Variants in EIF4G3 observed in about 807,000 individuals in gnomAD.
EIF4G3 encodes the protein eIF-4-gamma 3.
A neutral mutation model predicts 186.4 loss-of-function variants in EIF4G3; 34 were observed. The ratio of observed to expected loss-of-function variants is 0.18; its 90% confidence interval spans 0.14 to 0.24. EIF4G3 has a LOEUF of 0.24. Ranked by LOEUF, EIF4G3 falls within the 10% of genes least tolerant of loss-of-function variation. The probability of loss-of-function intolerance (pLI) is 1.00; values close to 1 mark genes in which losing one functional copy is unlikely to be tolerated. For missense variants in EIF4G3, 1,536 were observed against 1,948.5 expected (o/e 0.79, Z 3.99); for synonymous variants, 673 against 679.5 (o/e 0.99, Z 0.15).
chr1:21,029,652 G>A (rs1472559253), intron 4 of EIF4G3, among the ~76,000 whole-genome samples: 1 of 151,912 alleles, frequency 6.6e-6, no homozygotes, highest in Non-Finnish European at 1.5e-5. Context: ...GAGAACTAGT[G>A]GTTTTATAAA....
At chr1:20,918,750 T>C (rs1349017776) in intron 14 of EIF4G3, among the ~76,000 whole-genome samples, 1 of 147,210 alleles carries the variant, frequency 6.8e-6, no homozygotes, top group Non-Finnish European at 1.5e-5. Flanking sequence ...CTCACTATGT[T>C]GCCCAGGCTG....
chr1:20,992,043 T>C (rs562863666), intron 7 of EIF4G3, among the ~76,000 whole-genome samples: 130 of 152,338 alleles, frequency 8.5e-4, no homozygotes, highest in Non-Finnish European at 1.5e-3. Context: ...AGATAATTTG[T>C]AGTGAAGCTG....
Position 20,912,450 on chromosome 1 carries a change from C to T in EIF4G3, c.1664-7479G>A, listed in dbSNP as rs76036357. ...CAAAAAAGTCTCCCTTGTAGCTCCA[C>T]ATGCTTTTGGAATACAACATAAACT... On this transcript the variant is annotated intron_variant, in intron 14 of 36. Transcript: ENST00000602326. Among the ~76,000 whole-genome samples, 1,436 of 152,244 alleles carry T rather than the reference C, an allele frequency of 9.4e-3. 19 individuals are homozygous for T. Among genetic ancestry groups the T allele is most frequent in the African/African-American group, 0.032 (1,342 of 41,534 alleles).
intron 2 of EIF4G3, among the ~76,000 whole-genome samples, chr1:21,118,931 T>TAAAAAAAAAAAAAAAA (rs35040627): frequency 1.2e-5 from 1 of 86,170 alleles, no homozygotes; most frequent in Non-Finnish European, 2.2e-5. Context: ...CAAGCTCTAT[T>TAAAAAAAAAAAAAAAA]AAAAAAAAAA....
chr1:20,905,305 C>A (rs1039810455), intron 14 of EIF4G3, among the ~76,000 whole-genome samples: 1 of 152,190 alleles, frequency 6.6e-6, no homozygotes, highest in Non-Finnish European at 1.5e-5. Context: ...TACTTCTATT[C>A]ATCAACTATG....
intron 12 of EIF4G3, among the ~76,000 whole-genome samples, chr1:20,960,293 C>G (rs948800706): frequency 1.3e-5 from 2 of 152,212 alleles, no homozygotes; most frequent in South Asian, 2.1e-4. Flanking sequence ...AGGCGAAACC[C>G]TGTCTCTACT....
chr1:20,826,211 G>C (rs1163610207), intron 32 of EIF4G3, among the ~76,000 whole-genome samples: 1 of 152,196 alleles, frequency 6.6e-6, no homozygotes, highest in East Asian at 1.9e-4. Context: ...CTGTAGCTCA[G>C]GTTGAAATGC....
At chr1:21,004,998 T>C (rs2084649234) in intron 4 of EIF4G3, among the ~76,000 whole-genome samples, 1 of 152,144 alleles carries the variant, frequency 6.6e-6, no homozygotes, top group South Asian at 2.1e-4. Context: ...AAGTATCTCA[T>C]GTCTATCAAA....
intron 4 of EIF4G3, among the ~76,000 whole-genome samples, chr1:21,009,991 T>C (rs542424624): frequency 5.3e-5 from 8 of 152,076 alleles, no homozygotes; most frequent in Non-Finnish European, 8.8e-5. Flanking sequence ...CCAATGCAAA[T>C]AGAACTTTCT....
At chr1:20,909,583 T>C (rs2092844098) in intron 14 of EIF4G3, among the ~76,000 whole-genome samples, 1 of 152,128 alleles carries the variant, frequency 6.6e-6, no homozygotes, top group Non-Finnish European at 1.5e-5. Context: ...TTGGGTTATT[T>C]TATTTCCGAG....
At chr1:21,157,437 T>C (rs911845645) in intron 2 of EIF4G3, among the ~76,000 whole-genome samples, 2 of 151,986 alleles carry the variant, frequency 1.3e-5, no homozygotes, top group African/African-American at 4.8e-5. Flanking sequence ...AGTGGTATGA[T>C]CACAACTCAC....
chr1:21,136,108 G>A (rs370973980), intron 2 of EIF4G3, among the ~76,000 whole-genome samples: 1 of 152,092 alleles, frequency 6.6e-6, no homozygotes, highest in Admixed American at 6.5e-5. Context: ...GCGTGAACCC[G>A]GGAAGCGGAG....
chr1:20,849,465 T>G lies in EIF4G3; in HGVS notation c.3838A>C (p.Arg1280=). 6.4e-7 allele frequency: 1 copy of G among 1,566,724 alleles called. No individual in the cohort carries two copies. The highest frequency in any genetic ancestry group is 8.6e-7 in the Non-Finnish European group (1 of 1,160,422). The change falls in exon 29 of 37, where the codon AGG becomes CGG. Residue 1280 remains arginine, a synonymous_variant. Coordinates refer to ENST00000602326, the MANE Select transcript of EIF4G3 (RefSeq NM_001391906.1). ...KAALSEEELE[R]KSKSIIDEFL... is the part of the protein sequence containing the mutation. Reference sequence around the variant, plus strand: ...TCATCAATGATAGATTTCGACTTCCTCTCCAGTTCCTCTTCTGATAATGCA... The same window carrying G: ...TCATCAATGATAGATTTCGACTTCCGCTCCAGTTCCTCTTCTGATAATGCA...
At chr1:21,167,539 G>A (rs2097877731) in intron 2 of EIF4G3, among the ~76,000 whole-genome samples, 1 of 152,038 alleles carries the variant, frequency 6.6e-6, no homozygotes, top group Admixed American at 6.6e-5. Flanking sequence ...ACTTTGGAAG[G>A]CCAAGGTCAG....
intron 33 of EIF4G3, among the ~76,000 whole-genome samples, chr1:20,823,021 T>C (rs2154546447): frequency 6.6e-6 from 1 of 152,026 alleles, no homozygotes; most frequent in East Asian, 1.9e-4. Context: ...TACTGCAAAG[T>C]CTAATTTTTT....
intron 7 of EIF4G3, among the ~76,000 whole-genome samples, chr1:20,991,017 T>C (rs2080974972): frequency 6.6e-6 from 1 of 152,230 alleles, no homozygotes; most frequent in Non-Finnish European, 1.5e-5. Context: ...AACAGTGCTA[T>C]GATTTGCTGG....
At chr1:20,816,364 A>G (rs1482089937) in intron 34 of EIF4G3, among the ~76,000 whole-genome samples, 2 of 11,336 alleles carry the variant, frequency 1.8e-4, no homozygotes, top group African/African-American at 3.5e-4. Context: ...TCCGGGAGGG[A>G]GGTGGGGGGG....
chr1:20,837,229 GAGA>G lies in EIF4G3; in HGVS notation c.4061+3624_4061+3626del, dbSNP rs756217393. On this transcript the variant is annotated intron_variant, in intron 30 of 36. Transcript: ENST00000602326. ...GCTTTCTGCTTTTCTTTTTTTTTTT[GAGA>G]AGGAGTCTCTGTTGCCAGGCTGGAG... Among the ~76,000 whole-genome samples, 70 of 149,704 alleles carry G rather than the reference GAGA, an allele frequency of 4.7e-4. 3 individuals are homozygous for G. Among genetic ancestry groups the G allele is most frequent in the Admixed American group, 7.3e-4 (11 of 15,084 alleles).
chr1:20,945,576 C>T (rs2095904537), intron 13 of EIF4G3, among the ~76,000 whole-genome samples: 1 of 152,174 alleles, frequency 6.6e-6, no homozygotes, highest in South Asian at 2.1e-4. Flanking sequence ...AGCAATCCTC[C>T]TACCTCAGCC....
Sources: gnomAD v4.1 joint callset for allele counts (sites outside exome capture counted in the v4.1 genomes callset) on GRCh38, gnomAD v4.1.1 for gene constraint, MANE v1.5 for transcripts, NCBI Gene and HGNC (gene_info 2026-07-23, HGNC 2026-07-21) for gene names.